ABCB1: variants seen among roughly 807,000 people sequenced by gnomAD.
The protein encoded by ABCB1 is ATP-dependent translocase ABCB1.
In ABCB1, 69 loss-of-function variants were observed where a neutral mutation model predicts 142.0. That is an observed-to-expected ratio of 0.49 (90% CI 0.40 to 0.59). The LOEUF is 0.59. ABCB1 is among the 20% of genes least tolerant of loss of function. The pLI, the probability that ABCB1 is intolerant of heterozygous loss-of-function variation, is 0.00. For missense variants in ABCB1, 1,326 were observed against 1,554.7 expected (o/e 0.85, Z 2.47); for synonymous variants, 532 against 539.2 (o/e 0.99, Z 0.18).
At chr7:87,631,937 T>C (rs1821265407) in intron 1 of ABCB1, among the ~76,000 whole-genome samples, 1 of 152,236 alleles carries the variant, frequency 6.6e-6, no homozygotes, top group African/African-American at 2.4e-5. Context: ...AAAATGTTTA[T>C]ATTTAGTTTT....
chr7:87,588,156 G>GT (rs34445246), intron 3 of ABCB1, among the ~76,000 whole-genome samples: 1,911 of 147,964 alleles, frequency 0.013, 31 homozygotes, highest in East Asian at 0.054. Flanking sequence ...ATTTCCTTTT[G>GT]TTTTTTTTTT....
intron 1 of ABCB1, among the ~76,000 whole-genome samples, chr7:87,624,048 T>C (rs1584929921): frequency 6.6e-6 from 1 of 152,352 alleles, no homozygotes; most frequent in East Asian, 1.9e-4. Context: ...ATAGAGGAAA[T>C]TAGCTCTTTG....
intron 21 of ABCB1, chr7:87,522,072 T>C: frequency 8.7e-7 from 1 of 1,148,752 alleles, no homozygotes. Flanking sequence ...ACTTTGGTGG[T>C]GGTCGTGGAG....
chr7:87,632,416 A>G (rs1821314213), intron 1 of ABCB1, among the ~76,000 whole-genome samples: 1 of 152,194 alleles, frequency 6.6e-6, no homozygotes, highest in Admixed American at 6.5e-5. Context: ...GAACATTTAC[A>G]TGTTGTAGAC....
chr7:87,554,234 T>A (rs1817218056), intron 8 of ABCB1, among the ~76,000 whole-genome samples: 1 of 151,570 alleles, frequency 6.6e-6, no homozygotes, highest in African/African-American at 2.4e-5. Flanking sequence ...CATTGTTTCA[T>A]ACACAAGACA....
chr7:87,526,756 G>T (rs1372235191), intron 21 of ABCB1, among the ~76,000 whole-genome samples: 1 of 152,150 alleles, frequency 6.6e-6, no homozygotes, highest in Non-Finnish European at 1.5e-5. Flanking sequence ...CGGAAAAAGT[G>T]CTCTCATTGT....
intron 1 of ABCB1, among the ~76,000 whole-genome samples, chr7:87,705,250 C>A (rs992139525): frequency 6.6e-6 from 1 of 152,090 alleles, no homozygotes; most frequent in Non-Finnish European, 1.5e-5. Context: ...CATGGCAAAA[C>A]CCTGTCTCTA....
intron 21 of ABCB1, chr7:87,521,576 G>A (rs1815510685): frequency 1.3e-6 from 1 of 756,564 alleles, no homozygotes; most frequent in Non-Finnish European, 2.4e-6. Flanking sequence ...GAGCAATGGG[G>A]AATGCTCATG....
chr7:87,626,160 ATG>A (rs1442084405), intron 1 of ABCB1, among the ~76,000 whole-genome samples: 3 of 130,278 alleles, frequency 2.3e-5, no homozygotes, highest in East Asian at 4.4e-4. Context: ...TGTCATATAT[ATG>A]TGTCATATAT....
At chr7:87,599,604 G>A (rs564952589) in intron 2 of ABCB1, among the ~76,000 whole-genome samples, 1 of 152,134 alleles carries the variant, frequency 6.6e-6, no homozygotes, top group Non-Finnish European at 1.5e-5. Context: ...AGGGAAAGAG[G>A]CCGGGAAGGG....
intron 26 of ABCB1, among the ~76,000 whole-genome samples, chr7:87,506,802 A>G (rs995533976): frequency 6.6e-6 from 1 of 152,198 alleles, no homozygotes; most frequent in Non-Finnish European, 1.5e-5. Context: ...ATTTTAGTAC[A>G]GGGTTGCCTA....
In ABCB1 at chr7:87,566,025, G is replaced by C. The variant is rs759489375; in HGVS notation, c.702+45C>G. 3 of 1,601,678 alleles carry C rather than the reference G, an allele frequency of 1.9e-6. No individual in the cohort carries two copies. In the African/African-American group the frequency reaches 4.0e-5, roughly 21 times the overall value. On this transcript the variant is annotated intron_variant, in intron 7 of 27. Coordinates refer to ENST00000622132, the MANE Select transcript of ABCB1 (RefSeq NM_001348946.2). ...CCTTTCCGTAGGGTGAGAGCAGGAA[G>C]GGAGAAGGTGCAGTTCAAAATCTGG... is the stretch of plus-strand genomic sequence containing the variant.
In ABCB1 at chr7:87,600,135, A is replaced by G. The variant is rs763540261; in HGVS notation, c.50T>C (p.Phe17Ser). Residue 17 changes from phenylalanine to serine, a missense_variant, in exon 2 of 28, where the codon TTT becomes TCT. Coordinates refer to ENST00000622132, the MANE Select transcript of ABCB1 (RefSeq NM_001348946.2). ...RNGGAKKKNF[F>S]KLNNKSEKDK... ...TAGTTACCTTTTATTGTTCAGTTTA[A>G]AAAAGTTCTTCTTCTTTGCTCCTCC... 1.2e-6 allele frequency: 2 copies of G among 1,614,058 alleles called. No individual in the cohort carries two copies. Among genetic ancestry groups the G allele is most frequent in the South Asian group, 1.1e-5 (1 of 91,038 alleles).
intron 4 of ABCB1, among the ~76,000 whole-genome samples, chr7:87,576,745 ATTTAAT>A (rs1366484206): frequency 1.3e-5 from 2 of 151,642 alleles, no homozygotes; most frequent in Admixed American, 6.6e-5. Flanking sequence ...TTTTAAATTT[ATTTAAT>A]TTTAATTTTA....
intron 5 of ABCB1, 39 bp downstream of exon 5, chr7:87,570,133 T>C (rs777478314): frequency 1.3e-6 from 2 of 1,568,922 alleles, no homozygotes; most frequent in Admixed American, 1.7e-5. Flanking sequence ...TTGATGAATA[T>C]AGAAAAACTT....
At chr7:87,694,582 G>A (rs1262137034) in intron 1 of ABCB1, among the ~76,000 whole-genome samples, 1 of 152,056 alleles carries the variant, frequency 6.6e-6, no homozygotes, top group Non-Finnish European at 1.5e-5. Context: ...ATCCTTTCAA[G>A]CAATTTTATC....
At chr7:87,624,677 G>C (rs900807385) in intron 1 of ABCB1, among the ~76,000 whole-genome samples, 2 of 152,164 alleles carry the variant, frequency 1.3e-5, no homozygotes, top group African/African-American at 4.8e-5. Context: ...AGTCCAAAAA[G>C]TAACGTGGAC....
intron 1 of ABCB1, among the ~76,000 whole-genome samples, chr7:87,608,247 T>C (rs1201953012): frequency 6.6e-6 from 1 of 152,248 alleles, no homozygotes; most frequent in Non-Finnish European, 1.5e-5. Flanking sequence ...TTGCTGCAAC[T>C]AAAACTCCTT....
intron 1 of ABCB1, among the ~76,000 whole-genome samples, chr7:87,686,887 A>G (rs1827516381): frequency 6.6e-6 from 1 of 151,294 alleles, no homozygotes. Flanking sequence ...CCAAGGCTGC[A>G]GTGAGCCATG....
Sources: gnomAD v4.1 joint callset for allele counts (sites outside exome capture counted in the v4.1 genomes callset) on GRCh38, gnomAD v4.1.1 for gene constraint, MANE v1.5 for transcripts, NCBI Gene and HGNC (gene_info 2026-07-23, HGNC 2026-07-21) for gene names.